Variants in HCRTR2 observed in about 807,000 individuals in gnomAD.
HCRTR2 encodes hypocretin receptor 2.
HCRTR2 carries 22 observed loss-of-function variants against 49.0 expected under a neutral mutation model. The ratio of observed to expected loss-of-function variants is 0.45; its 90% confidence interval spans 0.32 to 0.64. The LOEUF (loss-of-function observed/expected upper bound fraction) is 0.64, where lower values mean the gene tolerates loss of function less well. Among genes scored for constraint, HCRTR2 ranks in the 30% least tolerant of loss-of-function variants. HCRTR2 has a pLI of 0.04. For synonymous variants in HCRTR2, 236 were observed against 205.3 expected, an observed-to-expected ratio of 1.15 and a Z score of -1.28; for missense variants, 491 against 559.4, an observed-to-expected ratio of 0.88 and a Z score of 1.23.
At chr6:55,240,231 G>A (rs935704179) in intron 1 of HCRTR2, among the ~76,000 whole-genome samples, 1 of 151,528 alleles carries the variant, frequency 6.6e-6, no homozygotes, top group South Asian at 2.1e-4. Context: ...GGTGGCGGGC[G>A]CCTGTAGTTC....
chr6:55,115,109 T>C (rs1441124742), intron 1 of HCRTR2, among the ~76,000 whole-genome samples: 1 of 151,820 alleles, frequency 6.6e-6, no homozygotes, highest in African/African-American at 2.4e-5. Context: ...CTTAGCATAG[T>C]TAGTATAATC....
intron 1 of HCRTR2, among the ~76,000 whole-genome samples, chr6:55,186,984 A>T (rs1293858464): frequency 6.6e-6 from 1 of 152,200 alleles, no homozygotes; most frequent in African/African-American, 2.4e-5. Flanking sequence ...GTAGATGGAT[A>T]GTTCTAGACA....
chr6:55,109,915 G>A (rs1764026486), intron 1 of HCRTR2, among the ~76,000 whole-genome samples: 1 of 152,110 alleles, frequency 6.6e-6, no homozygotes, highest in Admixed American at 6.6e-5. Context: ...TAGGCACATA[G>A]TCATCAGGTT....
intron 1 of HCRTR2, among the ~76,000 whole-genome samples, chr6:55,223,714 G>C (rs1765943163): frequency 6.6e-6 from 1 of 151,754 alleles, no homozygotes; most frequent in African/African-American, 2.4e-5. Flanking sequence ...CCAAATTTAG[G>C]TTAAACTGTA....
At chr6:55,189,083 C>CT (rs1372579486) in intron 1 of HCRTR2, among the ~76,000 whole-genome samples, 1 of 152,160 alleles carries the variant, frequency 6.6e-6, no homozygotes, top group Non-Finnish European at 1.5e-5. Context: ...GTAATAAGGT[C>CT]TTAATCTCCT....
chr6:55,274,803 T>C (rs914137669), intron 4 of HCRTR2, among the ~76,000 whole-genome samples: 2 of 152,188 alleles, frequency 1.3e-5, no homozygotes, highest in African/African-American at 4.8e-5. Flanking sequence ...TTGTTAGCTG[T>C]CTTTTGTTGC....
intron 1 of HCRTR2, among the ~76,000 whole-genome samples, chr6:55,193,033 TG>T (rs1468050049): frequency 6.6e-6 from 1 of 152,202 alleles, no homozygotes. Flanking sequence ...AGATCTAATC[TG>T]GGGGTGTCCT....
At chr6:55,234,261 T>C (rs1197410814) in intron 1 of HCRTR2, among the ~76,000 whole-genome samples, 2 of 152,126 alleles carry the variant, frequency 1.3e-5, no homozygotes, top group East Asian at 3.8e-4. Flanking sequence ...ACACAATCAA[T>C]GTCAGTCACT....
chr6:55,274,278 C>T (rs4348318), intron 4 of HCRTR2, among the ~76,000 whole-genome samples: 1,134 of 20,790 alleles, frequency 0.055, 81 homozygotes, highest in East Asian at 0.15. Context: ...TATACTTATA[C>T]ATATATTTTA....
Position 55,119,622 on chromosome 6 carries a change from G to GTT in HCRTR2, c.-378+13089_-378+13090dup, listed in dbSNP as rs149004546. On this transcript the variant is annotated intron_variant, in intron 1 of 7. Transcript: ENST00000615358. ...CTCATATCCTTTGTTCATTTTTGATGTTTTTTTTTTTTTGTAAATTTAATT... is the reference window on the plus strand; with the variant it reads ...CTCATATCCTTTGTTCATTTTTGATGTTTTTTTTTTTTTTTGTAAATTTAATT... Among the ~76,000 whole-genome samples the GTT allele has an allele frequency of 9.8e-3, 1,370 of 140,216 alleles. 10 individuals carry two copies. The highest frequency in any genetic ancestry group is 0.015 in the Non-Finnish European group (995 of 65,532). 92.0% of individuals were successfully genotyped at this position (140,216 alleles called of 152,430 possible).
At chr6:55,129,008 T>C (rs1294737784) in intron 1 of HCRTR2, among the ~76,000 whole-genome samples, 2 of 152,144 alleles carry the variant, frequency 1.3e-5, no homozygotes, top group Non-Finnish European at 2.9e-5. Context: ...CTTCTCCTGG[T>C]TCCCTTCAAC....
intron 2 of HCRTR2, among the ~76,000 whole-genome samples, chr6:55,251,618 C>T (rs1766551924): frequency 6.6e-6 from 1 of 151,892 alleles, no homozygotes; most frequent in Non-Finnish European, 1.5e-5. Context: ...CAAACAAGCT[C>T]CCTCTCTTTC....
chr6:55,151,826 C>G (rs553592464), intron 1 of HCRTR2, among the ~76,000 whole-genome samples: 2 of 151,862 alleles, frequency 1.3e-5, no homozygotes, highest in East Asian at 1.9e-4. Flanking sequence ...CAAAATGGCT[C>G]TTTGATCCAT....
chr6:55,219,136 T>C (rs1480101015), intron 1 of HCRTR2, among the ~76,000 whole-genome samples: 2 of 152,152 alleles, frequency 1.3e-5, no homozygotes, highest in Non-Finnish European at 2.9e-5. Flanking sequence ...CTTTCAAAAA[T>C]TGATAGAACA....
intron 1 of HCRTR2, among the ~76,000 whole-genome samples, chr6:55,147,866 T>G (rs1380260881): frequency 6.6e-6 from 1 of 152,144 alleles, no homozygotes; most frequent in Non-Finnish European, 1.5e-5. Flanking sequence ...TAGAATGAAT[T>G]TGTAGAATCT....
Position 55,152,489 on chromosome 6 carries a change from T to G in HCRTR2, c.-377-21722T>G, listed in dbSNP as rs188522905. ...CCTTATATATTTTGGATATTAACTCTTTATCTGATATACGGTGCCTTAGTA... is the reference window on the plus strand; with the variant it reads ...CCTTATATATTTTGGATATTAACTCGTTATCTGATATACGGTGCCTTAGTA... On this transcript the variant is annotated intron_variant, in intron 1 of 7. Coordinates refer to the HCRTR2 transcript ENST00000615358. Among the ~76,000 whole-genome samples the G allele has an allele frequency of 2.2e-4, 34 of 152,156 alleles. 1 individual carries two copies. The highest frequency in any genetic ancestry group is 2.0e-3 in the Admixed American group (31 of 15,246).
intron 2 of HCRTR2, among the ~76,000 whole-genome samples, chr6:55,254,300 CAGAATCAATATTTCAT>C (rs1766608008): frequency 6.6e-6 from 1 of 152,006 alleles, no homozygotes; most frequent in African/African-American, 2.4e-5. Flanking sequence ...AGAGTGATAT[CAGAATCAATATTTCAT>C]CCAGTATAAG....
intron 4 of HCRTR2, among the ~76,000 whole-genome samples, chr6:55,273,766 C>A (rs906559504): frequency 6.6e-6 from 1 of 152,028 alleles, no homozygotes; most frequent in African/African-American, 2.4e-5. Context: ...CTTCCCTGAC[C>A]AGTAAATGCC....
At chr6:55,175,808 G>T (rs191043835) in intron 1 of HCRTR2, among the ~76,000 whole-genome samples, 1 of 152,206 alleles carries the variant, frequency 6.6e-6, no homozygotes, top group East Asian at 1.9e-4. Context: ...GGAAGGGAGG[G>T]ATAACTTGAA....
Sources: gnomAD v4.1 joint callset for allele counts (sites outside exome capture counted in the v4.1 genomes callset) on GRCh38, gnomAD v4.1.1 for gene constraint, MANE v1.5 for transcripts, NCBI Gene and HGNC (gene_info 2026-07-23, HGNC 2026-07-21) for gene names.